The following QTRT1 variants were observed in gnomAD, a reference collection of about 807,000 sequenced individuals.
QTRT1 encodes the protein queuine tRNA-ribosyltransferase catalytic subunit 1.
A neutral mutation model predicts 44.0 loss-of-function variants in QTRT1; 41 were observed. The observed-to-expected ratio is 0.93, with a 90% CI of 0.73 to 1.21. The LOEUF (loss-of-function observed/expected upper bound fraction) is 1.21, where lower values mean the gene tolerates loss of function less well. Among genes scored for constraint, QTRT1 ranks in the 50% most tolerant of loss-of-function variants. QTRT1 has a pLI of 0.00. For missense variants in QTRT1, 542 were observed against 575.8 expected, an observed-to-expected ratio of 0.94 and a Z score of 0.60; for synonymous variants, 226 against 237.1, an observed-to-expected ratio of 0.95 and a Z score of 0.43.
Position 10,712,363 on chromosome 19 carries a change from C to A in QTRT1, c.785+64C>A, listed in dbSNP as rs2068742862. On this transcript the variant is annotated intron_variant, in intron 6 of 9. Transcript: ENST00000250237. This position sits in a 1 kb window ranked among gnomAD's most constrained non-coding sequence, Gnocchi z 5.6. ...GAAGTGGATTCCTGGGGACCCCCTA[C>A]CCTGCTTGGGGAGGTGGCATTTGGG... is the stretch of plus-strand genomic sequence containing the variant. The A allele has an allele frequency of 1.9e-6, 3 of 1,562,588 alleles. No individual in the cohort carries two copies. The highest frequency in any genetic ancestry group is 2.6e-6 in the Non-Finnish European group (3 of 1,151,284).
In QTRT1 at chr19:10,712,947, C is replaced by T. The variant is rs375282345; in HGVS notation, c.972-6C>T. The T allele has an allele frequency of 6.8e-6, 11 of 1,613,022 alleles. No individual in the cohort carries two copies. The highest frequency in any genetic ancestry group is 9.3e-6 in the Non-Finnish European group (11 of 1,179,894). On this transcript the variant is annotated splice_region_variant and splice_polypyrimidine_tract_variant and intron_variant, in intron 8 of 9. Coordinates refer to ENST00000250237, the MANE Select transcript of QTRT1 (RefSeq NM_031209.3). This position sits in a 1 kb window ranked among gnomAD's most constrained non-coding sequence, Gnocchi z 5.6. ...CCGTGCTGAGCTGTCCCCTGCCGCT[C>T]TACAGGCACAGCCGCGCCTTCCTGC...
intron 3 of QTRT1, among the ~76,000 whole-genome samples, chr19:10,703,342 G>A (rs2068698926): frequency 6.6e-6 from 1 of 151,982 alleles, no homozygotes; most frequent in African/African-American, 2.4e-5. Flanking sequence ...GATTATAGGT[G>A]TGAGCCACCA....
At chr19:10,710,466 G>A (rs559424217) in intron 5 of QTRT1, among the ~76,000 whole-genome samples, 2 of 151,932 alleles carry the variant, frequency 1.3e-5, no homozygotes, top group African/African-American at 4.8e-5. Context: ...ACAGGCACCA[G>A]CCACCACGCC....
chr19:10,705,724 C>T (rs1023754281), intron 3 of QTRT1, among the ~76,000 whole-genome samples: 4 of 150,930 alleles, frequency 2.7e-5, no homozygotes, highest in African/African-American at 9.8e-5. Flanking sequence ...GTTGTAGAGA[C>T]AGGGTTTCAC....
Position 10,701,526 on chromosome 19 carries a change from A to C in QTRT1, c.66A>C (p.Glu22Asp). 1.3e-6 allele frequency: 2 copies of C among 1,596,358 alleles called. No individual in the cohort carries two copies. The highest frequency in any genetic ancestry group is 1.7e-6 in the Non-Finnish European group (2 of 1,170,000). ...SAPRIMRLVA[E>D]CSRSRARAGE... ...CACGGATCATGCGGCTGGTGGCCGA[A>C]TGCAGCCGCTCCAGGGCCCGGGCAG... Residue 22 changes from glutamate (E) to aspartate (D), a missense_variant, in exon 1 of 10, where the codon GAA becomes GAC. Glu to Asp is a conservative substitution (Grantham distance 45). Transcript: ENST00000250237.
At position 10,713,073 on chromosome 19, in the gene QTRT1, G is replaced by C. The variant is rs184979851; in HGVS notation, c.1059+33G>C. 6 of 1,608,820 alleles carry C rather than the reference G, an allele frequency of 3.7e-6. No homozygotes were observed. The highest frequency in any genetic ancestry group is 5.1e-6 in the Non-Finnish European group (6 of 1,179,778). On this transcript the variant is annotated intron_variant, in intron 9 of 9. Transcript: ENST00000250237. The surrounding 1 kb of genome is among the most constrained non-coding windows in gnomAD (Gnocchi z 4.3). The stretch of plus-strand genomic sequence containing the variant: ...AGTGCCCGGGGCAAGGTGGGCGGGG[G>C]TGTCCTAGGTGCGTATGCCCCACGC...
At chr19:10,710,203 A>G (rs1320659006) in intron 5 of QTRT1, among the ~76,000 whole-genome samples, 1 of 152,144 alleles carries the variant, frequency 6.6e-6, no homozygotes, top group Non-Finnish European at 1.5e-5. Flanking sequence ...AGAAGAAAAG[A>G]AAAGAGAAAA....
intron 5 of QTRT1, among the ~76,000 whole-genome samples, chr19:10,708,405 C>T (rs566498367): frequency 1.1e-4 from 16 of 152,222 alleles, no homozygotes; most frequent in South Asian, 4.1e-4. Context: ...TATAGGTGCA[C>T]GCCGGTGTGT....
chr19:10,711,723 C>G (rs1229847717), intron 5 of QTRT1: 1 of 193,440 alleles, frequency 5.2e-6, no homozygotes, highest in Non-Finnish European at 1.1e-5. Flanking sequence ...CGGCCTCCCA[C>G]AGTGCTGGGA....
At chr19:10,706,533 C>T (rs971647401) in intron 3 of QTRT1, among the ~76,000 whole-genome samples, 5 of 151,926 alleles carry the variant, frequency 3.3e-5, no homozygotes, top group Admixed American at 6.6e-5. Context: ...CCACCACGCC[C>T]GGCTAATTTT....
Position 10,701,484 on chromosome 19 carries a change from T to G in QTRT1, c.24T>G (p.Ala8=). The stretch of plus-strand genomic sequence containing the variant: ...AGATGGCGGGAGCAGCTACCCAGGC[T>G]TCCCTGGAGTCGGCCCCACGGATCA... MAGAATQ[A]SLESAPRIMR... is the part of the protein sequence containing the mutation. The change falls in exon 1 of 10, where the codon GCT becomes GCG. Residue 8 remains alanine, a synonymous_variant. Coordinates refer to ENST00000250237, the MANE Select transcript of QTRT1 (RefSeq NM_031209.3). 6.4e-7 allele frequency: 1 copy of G among 1,568,546 alleles called. No individual in the cohort carries two copies. Among genetic ancestry groups the G allele is most frequent in the South Asian group, 1.2e-5 (1 of 86,054 alleles).
chr19:10,706,565 G>A (rs1052433069), intron 3 of QTRT1: 1 of 151,850 alleles, frequency 6.6e-6, no homozygotes, highest in Non-Finnish European at 1.5e-5. Context: ...TAGAGACGGG[G>A]TTTCACCACC....
chr19:10,701,507 T>C lies in QTRT1; in HGVS notation c.47T>C (p.Ile16Thr). The C allele has an allele frequency of 6.3e-7, 1 of 1,590,914 alleles. No homozygotes were observed. The highest frequency in any genetic ancestry group is 1.3e-5 in the African/African-American group (1 of 74,670). The change falls in exon 1 of 10, where the codon ATC (isoleucine) becomes ACC (threonine). Residue 16 changes from isoleucine to threonine, a missense_variant. Coordinates refer to ENST00000250237, the MANE Select transcript of QTRT1 (RefSeq NM_031209.3). ...GCTTCCCTGGAGTCGGCCCCACGGATCATGCGGCTGGTGGCCGAATGCAGC... is the reference window on the plus strand; with the variant it reads ...GCTTCCCTGGAGTCGGCCCCACGGACCATGCGGCTGGTGGCCGAATGCAGC... ...TQASLESAPR[I>T]MRLVAECSRS... is the part of the protein sequence containing the mutation.
intron 3 of QTRT1, 78 bp from the exon 4 acceptor site, chr19:10,707,224 A>C (rs1038240389): frequency 1.4e-6 from 2 of 1,448,886 alleles, no homozygotes; most frequent in South Asian, 1.1e-5. Context: ...GGGAAGTCCA[A>C]CTTGTCCCCA....
intron 1 of QTRT1, 29 bp downstream of exon 1, chr19:10,701,732 C>T (rs776666986): frequency 3.9e-6 from 6 of 1,551,722 alleles, no homozygotes; most frequent in Admixed American, 1.9e-5. Context: ...CGCGGGGAGG[C>T]GGCGAGGCGG....
Position 10,707,623 on chromosome 19 carries a change from C to G in QTRT1, c.646+8C>G, listed in dbSNP as rs2068720408. 1.9e-6 allele frequency: 3 copies of G among 1,580,394 alleles called. No homozygotes were observed. The East Asian group carries it at 6.7e-5, about 36-fold the overall frequency. ...GGGCCACCTGCCTTGAAGGTAGAGC[C>G]ATGCGCTGGCAGGCCCAGGGCTTGG... On this transcript the variant is annotated splice_region_variant and intron_variant, in intron 5 of 9. Coordinates refer to ENST00000250237, the MANE Select transcript of QTRT1 (RefSeq NM_031209.3).
At position 10,713,192 on chromosome 19, in the gene QTRT1, C is replaced by A. The variant is rs775115458; in HGVS notation, c.1134C>A (p.Gly378=). Residue 378 remains glycine, a synonymous_variant, in exon 10 of 10, where the codon GGC becomes GGA. Coordinates refer to ENST00000250237, the MANE Select transcript of QTRT1 (RefSeq NM_031209.3). The surrounding 1 kb of genome is among the most constrained non-coding windows in gnomAD (Gnocchi z 4.3). Reference sequence around the variant, plus strand: ...CGGACTTCGTGCGGGACTTCATGGGCGCCATGTACGGGGATCCCACCCTCT... The same window carrying A: ...CGGACTTCGTGCGGGACTTCATGGGAGCCATGTACGGGGATCCCACCCTCT... ...RFPDFVRDFM[G]AMYGDPTLCP... 6.2e-7 allele frequency: 1 copy of A among 1,609,208 alleles called. No individual in the cohort carries two copies. The highest frequency in any genetic ancestry group is 8.5e-7 in the Non-Finnish European group (1 of 1,177,804).
At chr19:10,710,300 C>T (rs1400955935) in intron 5 of QTRT1, among the ~76,000 whole-genome samples, 1 of 152,136 alleles carries the variant, frequency 6.6e-6, no homozygotes, top group Non-Finnish European at 1.5e-5. Flanking sequence ...CAAGTATTCA[C>T]ATATTTTTAT....
Position 10,701,503 on chromosome 19 carries a change from C to T in QTRT1, c.43C>T (p.Arg15Trp), listed in dbSNP as rs1313809247. ...ATQASLESAPRIMRLVAECSR... is the reference protein window; with the variant it reads ...ATQASLESAPWIMRLVAECSR... ...CCAGGCTTCCCTGGAGTCGGCCCCA[C>T]GGATCATGCGGCTGGTGGCCGAATG... The change falls in exon 1 of 10, where the codon CGG becomes TGG. Residue 15 changes from arginine (R) to tryptophan (W), a missense_variant. By Grantham distance (101) the Arg-to-Trp change is moderately radical (BLOSUM62 -3). Transcript: ENST00000250237. 2 of 1,585,988 alleles carry T rather than the reference C, an allele frequency of 1.3e-6. No individual in the cohort carries two copies. The highest frequency in any genetic ancestry group is 8.6e-7 in the Non-Finnish European group (1 of 1,163,150).
Sources: allele counts gnomAD v4.1 joint callset (sites outside exome capture counted in the v4.1 genomes callset), GRCh38; gene constraint gnomAD v4.1.1; non-coding constraint Gnocchi (gnomAD v3.1); transcripts MANE v1.5; gene names NCBI Gene and HGNC (gene_info 2026-07-23, HGNC 2026-07-21).